Variants in SLC35C1 observed in about 807,000 individuals in gnomAD.
SLC35C1 encodes the protein GDP-fucose transporter 1.
A neutral mutation model predicts 23.2 loss-of-function variants in SLC35C1; 8 were observed. The observed-to-expected ratio is 0.35, with a 90% CI of 0.20 to 0.62. The LOEUF (loss-of-function observed/expected upper bound fraction) is 0.62, where lower values mean the gene tolerates loss of function less well. SLC35C1 is among the 20% of genes least tolerant of loss of function. The pLI is 0.75. For synonymous variants in SLC35C1, 226 were observed against 225.1 expected, an observed-to-expected ratio of 1.00 and a Z score of -0.04; for missense variants, 422 against 478.6, an observed-to-expected ratio of 0.88 and a Z score of 1.10.
At chr11:45,810,152 G>A (rs1178843165) in intron 1 of SLC35C1, 17 of 985,326 alleles carry the variant, frequency 1.7e-5, no homozygotes, top group Non-Finnish European at 1.8e-5. Context: ...TAGTCCTCAT[G>A]GCAGAAGTGG....
rs75224835 is a variant in SLC35C1 at position 45,806,113 on chromosome 11, C to T, written c.312C>T (p.Phe104=). Residue 104 remains phenylalanine (F), a synonymous_variant, in exon 1 of 2, where the codon TTC becomes TTT. Transcript: ENST00000314134. ...CCTGCTGCCCTGGTGCCGTGGACTT[C>T]CCCAGCTTGCGCCTGGACCTCAGGG... ...LAACCPGAVD[F]PSLRLDLRVA... 7.5e-6 allele frequency: 12 copies of T among 1,609,544 alleles called. No homozygotes were observed. Among genetic ancestry groups the T allele is most frequent in the Non-Finnish European group, 1.0e-5 (12 of 1,180,018 alleles).
rs1590748861 is a variant in SLC35C1 at position 45,812,879 on chromosome 11, T to C, written c.*1544T>C. 6.0e-6 allele frequency: 2 copies of C among 334,300 alleles called. No homozygotes were observed. The highest frequency in any genetic ancestry group is 1.5e-4 in the East Asian group (2 of 13,428). 20.7% of individuals were successfully genotyped at this position (334,300 alleles called of 1,614,324 possible). ...GGGGTGATTTCTGATGTTTTTACTC[T>C]ATATAGTGAAAAGCTAGGGAGAGCG... On this transcript the variant is annotated 3_prime_UTR_variant, in exon 2 of 2. Coordinates refer to ENST00000314134, the MANE Select transcript of SLC35C1 (RefSeq NM_018389.5).
At chr11:45,804,702 G>A, upstream of SLC35C1, 1 of 985,542 alleles carries the variant, frequency 1.0e-6, no homozygotes, top group Non-Finnish European at 1.2e-6. Context: ...GGGGAAAGGA[G>A]GGGACCACAA....
In SLC35C1 at chr11:45,805,195, G is replaced by T; in HGVS notation, c.-607G>T. On this transcript the variant is annotated 5_prime_UTR_variant, in exon 1 of 2. Transcript: ENST00000314134. ...GGGCTGAGCCGGCGACAGAGCCCGGGAAGGCAGCGAGACGTGGGCGCCGGC... is the reference window on the plus strand; with the variant it reads ...GGGCTGAGCCGGCGACAGAGCCCGGTAAGGCAGCGAGACGTGGGCGCCGGC... The T allele has an allele frequency of 3.0e-6, 3 of 991,734 alleles. No individual in the cohort carries two copies. Among genetic ancestry groups the T allele is most frequent in the Non-Finnish European group, 3.6e-6 (3 of 833,310 alleles). 61.4% of individuals were successfully genotyped at this position (991,734 alleles called of 1,614,324 possible).
At chr11:45,806,951 G>A (rs1047344666) in intron 1 of SLC35C1, 2 of 968,858 alleles carry the variant, frequency 2.1e-6, no homozygotes, top group Non-Finnish European at 2.5e-6. Flanking sequence ...TGCTTTGAGA[G>A]GCCTCAGCTG....
In SLC35C1 at chr11:45,811,174, G is replaced by A. The variant is rs768749954; in HGVS notation, c.934G>A (p.Val312Met). The A allele has an allele frequency of 1.9e-5, 30 of 1,611,916 alleles. No homozygotes were observed. Among genetic ancestry groups the A allele is most frequent in the Admixed American group, 1.2e-4 (7 of 60,012 alleles). The change falls in exon 2 of 2, where the codon GTG becomes ATG. Residue 312 changes from valine (V) to methionine (M), a missense_variant. Physicochemically the swap from Val to Met is conservative, Grantham distance 21 (BLOSUM62 1). Coordinates refer to ENST00000314134, the MANE Select transcript of SLC35C1 (RefSeq NM_018389.5). ...AKACAQTVLA[V>M]LYYEETKSFL... is the part of the protein sequence containing the mutation. ...GGCCTGTGCCCAGACAGTGCTGGCC[G>A]TGCTCTACTACGAGGAGACCAAGAG...
rs1454024126 is a variant in SLC35C1, at chr11:45,805,435, C to T, written c.-367C>T. On this transcript the variant is annotated 5_prime_UTR_variant, in exon 1 of 2. Coordinates refer to ENST00000314134, the MANE Select transcript of SLC35C1 (RefSeq NM_018389.5). ...TGCACCTTCGCCCCGCGTACCTACTCCTGCCCCGCCCTGCCATTCCTCTCC... is the reference window on the plus strand; with the variant it reads ...TGCACCTTCGCCCCGCGTACCTACTTCTGCCCCGCCCTGCCATTCCTCTCC... 4.5e-6 allele frequency: 5 copies of T among 1,114,944 alleles called. No homozygotes were observed. Among genetic ancestry groups the T allele is most frequent in the Non-Finnish European group, 5.5e-6 (5 of 904,242 alleles). 69.1% of individuals were successfully genotyped at this position (1,114,944 alleles called of 1,614,324 possible).
At chr11:45,804,582 A>G (rs1479048908), upstream of SLC35C1, 21 of 985,644 alleles carry the variant, frequency 2.1e-5, no homozygotes, top group Non-Finnish European at 2.3e-5. Flanking sequence ...CCTCGACAGG[A>G]GCACAGGGAG....
Position 45,806,828 on chromosome 11 carries a change from A to C in SLC35C1, c.535+492A>C, listed in dbSNP as rs539724374. On this transcript the variant is annotated intron_variant, in intron 1 of 1. Transcript: ENST00000314134. ...GTACTTTATTGTTTCTCAAGAGCTC[A>C]GGTGTCCTGATTTCCCAGCCAGTGC... is the stretch of plus-strand genomic sequence containing the variant. 404 of 880,376 alleles carry C rather than the reference A, an allele frequency of 4.6e-4. 3 individuals carry two copies. The African/African-American group carries it at 7.0e-3, about 15-fold the overall frequency. 54.5% of individuals were successfully genotyped at this position (880,376 alleles called of 1,614,324 possible).
rs1485203576 is a variant in SLC35C1 at position 45,805,696 on chromosome 11, C to CA, written c.-104dup. 6.3e-7 allele frequency: 1 copy of CA among 1,588,572 alleles called. No individual in the cohort carries two copies. The highest frequency in any genetic ancestry group is 1.3e-5 in the African/African-American group (1 of 74,528). ...GGCCTTTAGGCCAGCCCACATGTGA[C>CA]AATGGAGGGCTGCGGCTTCCTTGCG... On this transcript the variant is annotated 5_prime_UTR_variant, in exon 1 of 2. It adds an upstream start codon to the 5' untranslated region. Coordinates refer to ENST00000314134, the MANE Select transcript of SLC35C1 (RefSeq NM_018389.5).
At chr11:45,810,465 G>A (rs936957214) in intron 1 of SLC35C1, 1 of 985,262 alleles carries the variant, frequency 1.0e-6, no homozygotes, top group Non-Finnish European at 1.2e-6. Context: ...CTACTTTATG[G>A]ACCTCATTAC....
chr11:45,806,157 C>A lies in SLC35C1; in HGVS notation c.356C>A (p.Pro119His), dbSNP rs1249225084. ...CTCAGGGTGGCCCGCAGCGTCCTGC[C>A]CCTGTCGGTGGTCTTCATCGGCATG... ...LDLRVARSVL[P>H]LSVVFIGMIT... is the part of the protein sequence containing the mutation. The change falls in exon 1 of 2, where the codon CCC (proline) becomes CAC (histidine). Residue 119 changes from proline (P) to histidine (H), a missense_variant. Pro to His is a moderately conservative substitution (Grantham distance 77, BLOSUM62 -2). Coordinates refer to ENST00000314134, the MANE Select transcript of SLC35C1 (RefSeq NM_018389.5). 6.2e-7 allele frequency: 1 copy of A among 1,606,502 alleles called. No homozygotes were observed. Among genetic ancestry groups the A allele is most frequent in the African/African-American group, 1.3e-5 (1 of 74,926 alleles).
At position 45,805,993 on chromosome 11, in the gene SLC35C1, C is replaced by G. The variant is rs1315840820; in HGVS notation, c.192C>G (p.Asp64Glu). The G allele has an allele frequency of 1.2e-6, 2 of 1,614,138 alleles. No homozygotes were observed. Among genetic ancestry groups the G allele is most frequent in the South Asian group, 1.1e-5 (1 of 91,086 alleles). Residue 64 changes from aspartate to glutamate, a missense_variant, in exon 1 of 2, where the codon GAC (aspartate) becomes GAG (glutamate). Physicochemically the swap from Asp to Glu is conservative, Grantham distance 45. Coordinates refer to ENST00000314134, the MANE Select transcript of SLC35C1 (RefSeq NM_018389.5). ...SMVFLNKYLLDSPSLRLDTPI... is the reference protein window; with the variant it reads ...SMVFLNKYLLESPSLRLDTPI... ...TGTTCCTTAATAAGTACCTGCTGGA[C>G]AGCCCCTCCCTGCGGCTGGACACCC...
Position 45,805,173 on chromosome 11 carries a change from C to T in SLC35C1, c.-629C>T. ...CCTCGGATGTCCGGAGGCTCCTGGG[C>T]TGAGCCGGCGACAGAGCCCGGGAAG... On this transcript the variant is annotated 5_prime_UTR_variant, in exon 1 of 2. Coordinates refer to ENST00000314134, the MANE Select transcript of SLC35C1 (RefSeq NM_018389.5). 1 of 991,154 alleles carries T rather than the reference C, an allele frequency of 1.0e-6. No individual in the cohort carries two copies. Among genetic ancestry groups the T allele is most frequent in the Non-Finnish European group, 1.2e-6 (1 of 833,044 alleles). 61.4% of individuals were successfully genotyped at this position (991,154 alleles called of 1,614,324 possible). A position where few individuals can be genotyped will look rare whatever the true frequency, so the allele number is the denominator to read the frequency against.
At chr11:45,809,852 G>A in intron 1 of SLC35C1, 1 of 985,432 alleles carries the variant, frequency 1.0e-6, no homozygotes, top group Non-Finnish European at 1.2e-6. Context: ...AGACCAGACT[G>A]TCACCATGGG....
intron 1 of SLC35C1, among the ~76,000 whole-genome samples, chr11:45,807,760 G>A (rs1388548132): frequency 6.6e-6 from 1 of 152,004 alleles, no homozygotes; most frequent in African/African-American, 2.4e-5. Flanking sequence ...TTAGAGTAGG[G>A]GAAGCTGCAA....
chr11:45,805,335 G>GGGGCCCC lies in SLC35C1; in HGVS notation c.-467_-466insGGGCCCC. The GGGGCCCC allele has an allele frequency of 1.8e-6, 1 of 566,220 alleles. No individual in the cohort carries two copies. The highest frequency in any genetic ancestry group is 2.1e-6 in the Non-Finnish European group (1 of 483,472). 35.1% of individuals were successfully genotyped at this position (566,220 alleles called of 1,614,324 possible). A position where few individuals can be genotyped will look rare whatever the true frequency, so the allele number is the denominator to read the frequency against. ...GCTCCCTGTACGCCTCCCTCCCCCT[G>GGGGCCCC]CCCGCCCCTCCCTCCCACAGCCGCC... On this transcript the variant is annotated 5_prime_UTR_variant, in exon 1 of 2. Coordinates refer to ENST00000314134, the MANE Select transcript of SLC35C1 (RefSeq NM_018389.5).
chr11:45,811,260 C>T lies in SLC35C1; in HGVS notation c.1020C>T (p.Val340=). The T allele has an allele frequency of 6.3e-7, 1 of 1,591,640 alleles. No individual in the cohort carries two copies. Among genetic ancestry groups the T allele is most frequent in the Non-Finnish European group, 8.6e-7 (1 of 1,168,398 alleles). The change falls in exon 2 of 2, where the codon GTC becomes GTT. Residue 340 remains valine (V), a synonymous_variant. Transcript: ENST00000314134. ...GCGGCTCCTCCGCCTACACCTGGGT[C>T]AGGGGCTGGGAGATGAAGAAGACTC... ...VLGGSSAYTW[V]RGWEMKKTPE...
In SLC35C1 at chr11:45,812,399, G is replaced by C; in HGVS notation, c.*1064G>C. 2.7e-6 allele frequency: 1 copy of C among 376,146 alleles called. No individual in the cohort carries two copies. Among genetic ancestry groups the C allele is most frequent in the East Asian group, 7.2e-5 (1 of 13,814 alleles). 23.3% of individuals were successfully genotyped at this position (376,146 alleles called of 1,614,324 possible). A position where few individuals can be genotyped will look rare whatever the true frequency, so the allele number is the denominator to read the frequency against. ...CTGACAGAGCCTGCTTGGCCCCACT[G>C]TTAGTCCAGCGAGCTCCTATATCAA... On this transcript the variant is annotated 3_prime_UTR_variant, in exon 2 of 2. Coordinates refer to ENST00000314134, the MANE Select transcript of SLC35C1 (RefSeq NM_018389.5).
Sources: allele counts gnomAD v4.1 joint callset (sites outside exome capture counted in the v4.1 genomes callset), GRCh38; gene constraint gnomAD v4.1.1; transcripts MANE v1.5; gene names NCBI Gene and HGNC (gene_info 2026-07-23, HGNC 2026-07-21).